CDC20B: variants seen among roughly 807,000 people sequenced by gnomAD.
The protein encoded by CDC20B is cell division cycle protein 20 homolog B.
CDC20B carries 58 observed loss-of-function variants against 64.1 expected under a neutral mutation model. The observed-to-expected ratio is 0.90, with a 90% CI of 0.73 to 1.13. The LOEUF is 1.13. CDC20B is among the 50% of genes most tolerant of loss of function. CDC20B has a pLI of 0.00. For synonymous variants in CDC20B, 243 were observed against 230.6 expected (o/e 1.05, Z -0.49); for missense variants, 597 against 633.0 (o/e 0.94, Z 0.61).
intron 2 of CDC20B, chr5:55,165,442 A>G (rs1350972557): frequency 2.0e-5 from 3 of 152,244 alleles, no homozygotes; most frequent in Non-Finnish European, 4.4e-5. Flanking sequence ...AAGAAGAAAA[A>G]GACCCAATTT....
At position 55,140,358 on chromosome 5, in the gene CDC20B, T is replaced by A. The variant is rs1185636301; in HGVS notation, c.536A>T (p.Asn179Ile). The part of the protein sequence containing the change: ...FVTQNVVQQA[N>I]GKMQLCEQSE... ...TTGCTCACAGAGCTGCATTTTTCCA[T>A]TAGCCTGCTGAACCACGTTCTGGGT... Residue 179 changes from asparagine (N) to isoleucine (I), a missense_variant, in exon 5 of 12, where the codon AAT becomes ATT. This residue lies in a region of CDC20B where 241 missense variants were observed against 219.2 expected (regional missense o/e 1.10). Transcript: ENST00000381375. 2 of 1,613,616 alleles carry A rather than the reference T, an allele frequency of 1.2e-6. No homozygotes were observed.
rs769802207 is a variant in CDC20B at position 55,125,033 on chromosome 5, G to C, written c.990-5C>G. 3.7e-6 allele frequency: 6 copies of C among 1,602,528 alleles called. No individual in the cohort carries two copies. The highest frequency in any genetic ancestry group is 4.3e-6 in the Non-Finnish European group (5 of 1,170,344). On this transcript the variant is annotated splice_region_variant and splice_polypyrimidine_tract_variant and intron_variant, in intron 8 of 11. Coordinates refer to ENST00000381375, the MANE Select transcript of CDC20B (RefSeq NM_001170402.1). The stretch of plus-strand genomic sequence containing the variant: ...ACACGCCCCAGTCTTGACCCACTGC[G>C]AGTTTACATAACAAAAAAATTAAGC...
Position 55,119,808 on chromosome 5 carries a change from C to T in CDC20B, c.1452G>A (p.Gly484=). ...ACTCACCCATTTGCTTACCAAAAAA[C>T]CCACCTGACCTGGACACAGTGGGAC... ...WTCPTVSRSG[G]FFGHRGRVLH... The change falls in exon 11 of 12, where the codon GGG becomes GGA. Residue 484 remains glycine (G), a synonymous_variant. Coordinates refer to ENST00000381375, the MANE Select transcript of CDC20B (RefSeq NM_001170402.1). 1 of 1,612,636 alleles carries T rather than the reference C, an allele frequency of 6.2e-7. No homozygotes were observed. Among genetic ancestry groups the T allele is most frequent in the Non-Finnish European group, 8.5e-7 (1 of 1,178,802 alleles).
chr5:55,150,317 C>T (rs542299672), intron 2 of CDC20B, among the ~76,000 whole-genome samples: 1 of 152,274 alleles, frequency 6.6e-6, no homozygotes, highest in East Asian at 1.9e-4. Context: ...AGTCCTACTT[C>T]CTAGCTCTAA....
At chr5:55,170,099 G>C (rs1446322732) in intron 2 of CDC20B, among the ~76,000 whole-genome samples, 3 of 150,916 alleles carry the variant, frequency 2.0e-5, no homozygotes, top group Non-Finnish European at 2.9e-5. Context: ...GGGCGACAAA[G>C]CGAGACTCCG....
chr5:55,161,985 G>A (rs563424916), intron 2 of CDC20B, among the ~76,000 whole-genome samples: 2 of 148,024 alleles, frequency 1.4e-5, no homozygotes, highest in Non-Finnish European at 3.0e-5. Flanking sequence ...GCTATCAATA[G>A]TACCGCCTTC....
In CDC20B at chr5:55,143,674, G is replaced by A. The variant is rs537555928; in HGVS notation, c.356-31C>T. The A allele has an allele frequency of 1.9e-6, 3 of 1,555,778 alleles. No individual in the cohort carries two copies. The South Asian group carries it at 3.6e-5, about 19-fold the overall frequency. On this transcript the variant is annotated intron_variant, in intron 3 of 11. Transcript: ENST00000381375. Reference sequence around the variant, plus strand: ...AGAAAGACATTTATCTTTGAATTTGGTTTTTAAAACAAGATAATCACTTTG... The same window carrying A: ...AGAAAGACATTTATCTTTGAATTTGATTTTTAAAACAAGATAATCACTTTG...
rs1052082781 is a variant in CDC20B, at chr5:55,162,609, C to A, written c.126+9979G>T. On this transcript the variant is annotated intron_variant, in intron 2 of 11. Coordinates refer to ENST00000381375, the MANE Select transcript of CDC20B (RefSeq NM_001170402.1). The stretch of plus-strand genomic sequence containing the variant: ...CTTCTAAAAACATTATATTTAATTT[C>A]TAGGGAAAGTTGATATAATGCCTAA... Among the ~76,000 whole-genome samples, 10 of 152,192 alleles carry A rather than the reference C, an allele frequency of 6.6e-5. 1 individual carries two copies. Among genetic ancestry groups the A allele is most frequent in the African/African-American group, 2.4e-5 (1 of 41,462 alleles).
At chr5:55,122,637 A>C (rs932103047) in intron 9 of CDC20B, among the ~76,000 whole-genome samples, 1 of 152,194 alleles carries the variant, frequency 6.6e-6, no homozygotes, top group Non-Finnish European at 1.5e-5. Flanking sequence ...ATGAATTGCA[A>C]AATTAGGTTA....
intron 6 of CDC20B, among the ~76,000 whole-genome samples, chr5:55,129,927 G>A (rs1742987075): frequency 6.6e-6 from 1 of 152,102 alleles, no homozygotes; most frequent in Non-Finnish European, 1.5e-5. Flanking sequence ...ACAATATCCA[G>A]ACACAATTCA....
chr5:55,124,190 C>G (rs1742820866), intron 9 of CDC20B, among the ~76,000 whole-genome samples: 1 of 152,160 alleles, frequency 6.6e-6, no homozygotes, highest in Admixed American at 6.5e-5. Flanking sequence ...CATCTTCTGA[C>G]AGTTGATCTC....
At chr5:55,155,733 G>A (rs889113565) in intron 2 of CDC20B, among the ~76,000 whole-genome samples, 4 of 152,110 alleles carry the variant, frequency 2.6e-5, no homozygotes, top group South Asian at 2.1e-4. Context: ...GGTCTACAGA[G>A]CATCTTTAGC....
At position 55,146,827 on chromosome 5, in the gene CDC20B, A is replaced by G; in HGVS notation, c.156T>C (p.Ser52=). The G allele has an allele frequency of 6.2e-7, 1 of 1,614,186 alleles. No homozygotes were observed. Residue 52 remains serine (S), a synonymous_variant, in exon 3 of 12, where the codon TCT becomes TCC. Coordinates refer to ENST00000381375, the MANE Select transcript of CDC20B (RefSeq NM_001170402.1). ...TCTTCGCAAAGTTGCTCTTAAAGTC[A>G]GAATACGTAGCATTAACTGAATCGA... The part of the protein sequence containing the change: ...NVLDSVNATY[S]DFKSNFAKRL...
chr5:55,172,190 A>G (rs1744620245), intron 2 of CDC20B: 1 of 188,430 alleles, frequency 5.3e-6, no homozygotes. Context: ...TGCTCACGTT[A>G]AGAACCATGG....
intron 5 of CDC20B, chr5:55,136,380 G>A (rs28579660): frequency 0.19 from 29,131 of 150,880 alleles, 2,893 homozygotes; most frequent in South Asian, 0.31. Context: ...GCAACATGGT[G>A]AAACCCTGCC....
intron 8 of CDC20B, among the ~76,000 whole-genome samples, chr5:55,126,651 T>C (rs1442467766): frequency 2.6e-5 from 4 of 152,102 alleles, no homozygotes; most frequent in Admixed American, 6.6e-5. Flanking sequence ...TTAAACTAAA[T>C]CACTAGTTCT....
chr5:55,120,065 G>A (rs533957121), intron 10 of CDC20B, 147 bp from the exon 11 acceptor site: 2 of 653,926 alleles, frequency 3.1e-6, no homozygotes, highest in Non-Finnish European at 5.2e-6. Context: ...AACCATTCTA[G>A]GAAAGTTTAT....
intron 5 of CDC20B, among the ~76,000 whole-genome samples, chr5:55,135,358 TACTC>T (rs1468470349): frequency 2.0e-5 from 3 of 152,036 alleles, no homozygotes; most frequent in Non-Finnish European, 4.4e-5. Context: ...CTAAGCCAAA[TACTC>T]AGCACCTTAC....
intron 2 of CDC20B, among the ~76,000 whole-genome samples, chr5:55,157,011 C>T (rs1743828050): frequency 1.3e-5 from 2 of 152,124 alleles, no homozygotes; most frequent in Non-Finnish European, 2.9e-5. Context: ...TGGCTCCTTC[C>T]CTTGCACCTT....
Sources: gnomAD v4.1 joint callset for allele counts (sites outside exome capture counted in the v4.1 genomes callset) on GRCh38, gnomAD v4.1.1 for gene constraint, gnomAD v4.1.1 regional missense constraint, MANE v1.5 for transcripts, NCBI Gene and HGNC (gene_info 2026-07-23, HGNC 2026-07-21) for gene names.